The following C3orf52 variants were observed in gnomAD, a reference collection of about 807,000 sequenced individuals.
The protein encoded by C3orf52 is chromosome 3 open reading frame 52.
Under a neutral mutation model 24.8 loss-of-function variants are expected in C3orf52, and 22 were observed. That is an observed-to-expected ratio of 0.89 (90% confidence interval 0.63 to 1.27). The LOEUF (loss-of-function observed/expected upper bound fraction) is 1.27. C3orf52 is among the 50% of genes most tolerant of loss of function. The probability of loss-of-function intolerance (pLI) is 0.00; values close to 1 mark genes in which losing one functional copy is unlikely to be tolerated. For missense variants in C3orf52, 265 were observed against 260.7 expected, an observed-to-expected ratio of 1.02 and a Z score of -0.11; for synonymous variants, 93 against 100.2, an observed-to-expected ratio of 0.93 and a Z score of 0.43.
downstream of C3orf52, chr3:112,132,972 T>C (rs921502882): frequency 1.8e-5 from 18 of 983,142 alleles, no homozygotes; most frequent in Admixed American, 3.7e-4. Flanking sequence ...GCAGTTTCCT[T>C]ACCCAACTAC....
chr3:112,108,760 A>T (rs369211186), intron 3 of C3orf52, among the ~76,000 whole-genome samples: 20 of 152,352 alleles, frequency 1.3e-4, no homozygotes, highest in South Asian at 1.2e-3. Flanking sequence ...GAATAAAAAC[A>T]CAAATTATAT....
chr3:112,128,313 C>G, exon 5 of C3orf52: 1 of 641,710 alleles, frequency 1.6e-6, no homozygotes, highest in South Asian at 1.6e-5. Flanking sequence ...TGTTTCCTCA[C>G]TCTCAATTCT....
Position 112,116,985 on chromosome 3 carries a change from G to A in C3orf52, c.*339G>A, listed in dbSNP as rs1396967821. The A allele has an allele frequency of 4.8e-6, 7 of 1,466,966 alleles. No individual in the cohort carries two copies. The highest frequency in any genetic ancestry group is 4.0e-5 in the Admixed American group (2 of 49,838). 90.9% of individuals were successfully genotyped at this position (1,466,966 alleles called of 1,614,324 possible). A position where few individuals can be genotyped will look rare whatever the true frequency, so the allele number is the denominator to read the frequency against. On this transcript the variant is annotated 3_prime_UTR_variant, in exon 6 of 6. Coordinates refer to ENST00000264848, the MANE Select transcript of C3orf52 (RefSeq NM_024616.3). ...GTTTTGTTTTTTGAGACAGGGTCTC[G>A]TTCTGTCGCTTAGCTGGAGTGCGGT...
rs2074151054 is a variant in C3orf52 at position 112,117,822 on chromosome 3, G to A, written c.*1176G>A. On this transcript the variant is annotated 3_prime_UTR_variant, in exon 6 of 6. Transcript: ENST00000264848. ...TTTTGTTGGGAAAAGAAATTTACCA[G>A]GAGAAAGAGTTTTGTGCTGTATTGT... 6.6e-6 allele frequency: 1 copy of A among 152,256 alleles called. No individual in the cohort carries two copies. The highest frequency in any genetic ancestry group is 1.5e-5 in the Non-Finnish European group (1 of 68,058). The allele number at this position is 152,256 out of a possible 1,614,324, so 9.4% of individuals were successfully genotyped here.
downstream of C3orf52, chr3:112,119,695 T>C: frequency 5.2e-6 from 3 of 576,126 alleles, no homozygotes; most frequent in Non-Finnish European, 9.2e-6. Flanking sequence ...CATCACTCTT[T>C]CATTGCTTTA....
intron 1 of C3orf52, among the ~76,000 whole-genome samples, chr3:112,086,942 C>G (rs993636848): frequency 6.6e-6 from 1 of 152,170 alleles, no homozygotes; most frequent in Non-Finnish European, 1.5e-5. Context: ...CTCAGAATCT[C>G]TTCTGTCCTC....
At chr3:112,123,821 C>T (rs1448057481) in intron 4 of C3orf52, 2 of 1,567,908 alleles carry the variant, frequency 1.3e-6, no homozygotes, top group African/African-American at 1.4e-5. Context: ...CTTGCCATGA[C>T]CTTTACATTT....
chr3:112,114,159 G>A (rs2074112644), intron 5 of C3orf52, among the ~76,000 whole-genome samples: 1 of 152,180 alleles, frequency 6.6e-6, no homozygotes, highest in Admixed American at 6.5e-5. Flanking sequence ...TACAAGACAA[G>A]GTGTTTATTA....
At chr3:112,110,191 G>T (rs755535708) in intron 4 of C3orf52, among the ~76,000 whole-genome samples, 1 of 152,096 alleles carries the variant, frequency 6.6e-6, no homozygotes, top group African/African-American at 2.4e-5. Context: ...TTAGCCAGGT[G>T]TGTTGGTGGG....
At chr3:112,102,436 C>T (rs889088657) in intron 2 of C3orf52, among the ~76,000 whole-genome samples, 1 of 152,094 alleles carries the variant, frequency 6.6e-6, no homozygotes, top group African/African-American at 2.4e-5. Context: ...CTGAACAATT[C>T]CTGCACACCC....
intron 4 of C3orf52, chr3:112,112,512 G>C (rs2074092932): frequency 5.6e-6 from 1 of 177,918 alleles, no homozygotes; most frequent in Admixed American, 5.5e-5. Flanking sequence ...ATAAAGAATT[G>C]GTTAAACTAA....
chr3:112,096,095 C>T (rs2073924166), intron 2 of C3orf52, among the ~76,000 whole-genome samples: 1 of 152,186 alleles, frequency 6.6e-6, no homozygotes, highest in South Asian at 2.1e-4. Context: ...CCTGCTTACC[C>T]TTCTCTAGAC....
downstream of C3orf52, among the ~76,000 whole-genome samples, chr3:112,118,947 GA>G (rs2074164053): frequency 6.6e-6 from 1 of 152,134 alleles, no homozygotes; most frequent in Non-Finnish European, 1.5e-5. Context: ...CTACAGATTT[GA>G]AAAAATGATG....
In C3orf52 at chr3:112,128,411, TC is replaced by T; in HGVS notation, c.*226del. 5.0e-6 allele frequency: 2 copies of T among 404,010 alleles called. 1 individual carries two copies. The highest frequency in any genetic ancestry group is 4.3e-5 in the South Asian group (2 of 46,770). 25.0% of individuals were successfully genotyped at this position (404,010 alleles called of 1,614,324 possible). On this transcript the variant is annotated 3_prime_UTR_variant, in exon 5 of 5. Coordinates refer to the C3orf52 transcript ENST00000480282. ...TACAAGTGTATGGAAATTTTACAAA[TC>T]ATTTTTTTCAGGTATGGGTTAGGCA...
intron 3 of C3orf52, among the ~76,000 whole-genome samples, chr3:112,107,110 T>C (rs1244070134): frequency 6.6e-6 from 1 of 152,200 alleles, no homozygotes; most frequent in African/African-American, 2.4e-5. Context: ...CTAAAAATGA[T>C]TTAGTCGACC....
At chr3:112,108,599 G>C (rs961047357) in intron 3 of C3orf52, among the ~76,000 whole-genome samples, 2 of 152,214 alleles carry the variant, frequency 1.3e-5, no homozygotes, top group African/African-American at 4.8e-5. Context: ...CAGAGGAATG[G>C]ATAGGCTGGT....
At chr3:112,116,260 C>A (rs577126184) in intron 5 of C3orf52, among the ~76,000 whole-genome samples, 1 of 152,078 alleles carries the variant, frequency 6.6e-6, no homozygotes, top group Non-Finnish European at 1.5e-5. Flanking sequence ...GGGTTCACAC[C>A]ATTTCTCTCA....
rs558504380 is a variant in C3orf52 at position 112,111,374 on chromosome 3, A to G, written c.468-1590A>G. The G allele has an allele frequency of 4.6e-5, 7 of 152,428 alleles. No individual in the cohort carries two copies. In the East Asian group the frequency reaches 1.2e-3, roughly 25 times the overall value. 9.4% of individuals were successfully genotyped at this position (152,428 alleles called of 1,614,324 possible). ...TGGGAGGCGGCTAAATCCCTGGCAC[A>G]TGCATTTGTGTCTACAGGGGCATTG... On this transcript the variant is annotated intron_variant, in intron 4 of 5. Coordinates refer to ENST00000264848, the MANE Select transcript of C3orf52 (RefSeq NM_024616.3).
rs115756954 is a variant in C3orf52, at chr3:112,097,983, C to T, written c.268+4494C>T. 5.0e-3 allele frequency among the ~76,000 whole-genome samples: 763 copies of T among 152,258 alleles called. 11 individuals are homozygous for T. The highest frequency in any genetic ancestry group is 0.017 in the African/African-American group (723 of 41,538). ...TCACCAAAGTCTGAATGCAAAAATTCGAAAAGTTCAACCTCAGGTATAAAT... is the reference window on the plus strand; with the variant it reads ...TCACCAAAGTCTGAATGCAAAAATTTGAAAAGTTCAACCTCAGGTATAAAT... On this transcript the variant is annotated intron_variant, in intron 2 of 5. Coordinates refer to ENST00000264848, the MANE Select transcript of C3orf52 (RefSeq NM_024616.3).
Sources: allele counts gnomAD v4.1 joint callset (sites outside exome capture counted in the v4.1 genomes callset), GRCh38; gene constraint gnomAD v4.1.1; transcripts MANE v1.5; gene names NCBI Gene and HGNC (gene_info 2026-07-23, HGNC 2026-07-21).